The following KCNH7 variants were observed in gnomAD, a reference collection of about 807,000 sequenced individuals.
KCNH7 encodes voltage-gated inwardly rectifying potassium channel KCNH7.
A neutral mutation model predicts 120.8 loss-of-function variants in KCNH7; 49 were observed. That is an observed-to-expected ratio of 0.41 (90% CI 0.32 to 0.51). The LOEUF is 0.51. Among genes scored for constraint, KCNH7 ranks in the 20% least tolerant of loss-of-function variants. The pLI is 0.38. For missense variants in KCNH7, 1,097 were observed against 1,446.6 expected (o/e 0.76, Z 3.92); for synonymous variants, 547 against 516.1 (o/e 1.06, Z -0.81).
At chr2:162,640,247 C>G (rs1201606438) in intron 2 of KCNH7, among the ~76,000 whole-genome samples, 4 of 151,964 alleles carry the variant, frequency 2.6e-5, no homozygotes, top group African/African-American at 9.7e-5. Flanking sequence ...AGTTTTAGAG[C>G]AATTTGAAAG....
chr2:162,752,822 A>C (rs924478974), intron 2 of KCNH7, among the ~76,000 whole-genome samples: 1 of 149,798 alleles, frequency 6.7e-6, no homozygotes, highest in African/African-American at 2.4e-5. Context: ...AATCACTTGA[A>C]CCCAGGAGGC....
At chr2:162,596,026 C>T (rs1448897165) in intron 2 of KCNH7, among the ~76,000 whole-genome samples, 1 of 151,848 alleles carries the variant, frequency 6.6e-6, no homozygotes, top group Non-Finnish European at 1.5e-5. Context: ...ATACTGAAAA[C>T]TATAAAAATA....
At chr2:162,731,453 C>T (rs1313827423) in intron 2 of KCNH7, among the ~76,000 whole-genome samples, 2 of 151,630 alleles carry the variant, frequency 1.3e-5, no homozygotes, top group Non-Finnish European at 2.9e-5. Context: ...CTAAGCAATC[C>T]TTGTATATTC....
intron 2 of KCNH7, among the ~76,000 whole-genome samples, chr2:162,759,833 A>C (rs1175584558): frequency 6.6e-6 from 1 of 152,164 alleles, no homozygotes; most frequent in Non-Finnish European, 1.5e-5. Context: ...TTGATAAATA[A>C]TTACTTTCTA....
chr2:162,763,728 AGTGTGTGTGTGTGTGTGTGTGT>A (rs72350942), intron 2 of KCNH7, among the ~76,000 whole-genome samples: 2 of 139,242 alleles, frequency 1.4e-5, no homozygotes, highest in African/African-American at 5.3e-5. Flanking sequence ...AGGCATTTGC[AGTGTGTGTGTGTGTGTGTGTGT>A]GTGTGTGTGT....
At chr2:162,763,323 A>G (rs957857765) in intron 2 of KCNH7, among the ~76,000 whole-genome samples, 5 of 152,074 alleles carry the variant, frequency 3.3e-5, no homozygotes, top group Non-Finnish European at 5.9e-5. Flanking sequence ...CCCTGTATCT[A>G]TATCCATTTT....
At chr2:162,838,411 C>A (rs748566537) in intron 1 of KCNH7, 32 bp downstream of exon 1, 2 of 1,575,248 alleles carry the variant, frequency 1.3e-6, no homozygotes, top group South Asian at 1.1e-5. Flanking sequence ...AGGCAGAAAG[C>A]GAGGGCGAGA....
At chr2:162,601,337 T>A (rs1398355355) in intron 2 of KCNH7, among the ~76,000 whole-genome samples, 3 of 147,606 alleles carry the variant, frequency 2.0e-5, no homozygotes, top group African/African-American at 7.4e-5. Flanking sequence ...CATTTGCCAA[T>A]AATCATCTGA....
chr2:162,695,983 A>G (rs1051400411), intron 2 of KCNH7, among the ~76,000 whole-genome samples: 15 of 152,128 alleles, frequency 9.9e-5, no homozygotes, highest in African/African-American at 2.7e-4. Context: ...ATTCCTAAAA[A>G]CTCAGAAAGA....
At chr2:162,747,773 T>C (rs1023082702) in intron 2 of KCNH7, among the ~76,000 whole-genome samples, 5 of 150,194 alleles carry the variant, frequency 3.3e-5, no homozygotes, top group African/African-American at 4.8e-5. Flanking sequence ...TCGATACTCA[T>C]ATGCACCCAA....
chr2:162,499,069 C>T (rs78005686), intron 6 of KCNH7, among the ~76,000 whole-genome samples: 132 of 152,146 alleles, frequency 8.7e-4, no homozygotes, highest in African/African-American at 2.8e-3. Flanking sequence ...TTTAACTATT[C>T]GGATACTCAT....
chr2:162,441,123 T>C (rs1425887281), intron 7 of KCNH7, among the ~76,000 whole-genome samples: 2 of 152,086 alleles, frequency 1.3e-5, no homozygotes, highest in African/African-American at 4.8e-5. Context: ...TATAAGCCAA[T>C]AGAAACTTCT....
intron 2 of KCNH7, among the ~76,000 whole-genome samples, chr2:162,708,213 T>A (rs1158867490): frequency 6.6e-6 from 1 of 151,942 alleles, no homozygotes. Context: ...CAAATAAACA[T>A]ACAAAATATT....
chr2:162,758,602 C>A (rs1447784543), intron 2 of KCNH7, among the ~76,000 whole-genome samples: 1 of 151,790 alleles, frequency 6.6e-6, no homozygotes, highest in Non-Finnish European at 1.5e-5. Context: ...TCTACATATA[C>A]ATGTATATAT....
At chr2:162,634,317 A>G (rs1683874841) in intron 2 of KCNH7, among the ~76,000 whole-genome samples, 1 of 152,050 alleles carries the variant, frequency 6.6e-6, no homozygotes, top group African/African-American at 2.4e-5. Context: ...TAACACAGAG[A>G]CCTTGAAAGC....
intron 2 of KCNH7, among the ~76,000 whole-genome samples, chr2:162,538,312 A>T (rs1392582696): frequency 1.3e-5 from 2 of 152,096 alleles, no homozygotes; most frequent in Non-Finnish European, 1.5e-5. Context: ...AATGTGGCCC[A>T]GGGAAACCAA....
intron 2 of KCNH7, among the ~76,000 whole-genome samples, chr2:162,735,349 A>C (rs1687868348): frequency 6.6e-6 from 1 of 152,202 alleles, no homozygotes; most frequent in Non-Finnish European, 1.5e-5. Flanking sequence ...TTAAAATTAT[A>C]ATAGGAGCTT....
chr2:162,421,224 G>A (rs963294549), intron 9 of KCNH7, among the ~76,000 whole-genome samples: 3 of 152,160 alleles, frequency 2.0e-5, no homozygotes, highest in Admixed American at 2.0e-4. Context: ...CAGGCATGCA[G>A]ATGAGAGGAA....
intron 2 of KCNH7, chr2:162,797,904 C>T (rs924354945): frequency 5.3e-5 from 8 of 152,190 alleles, no homozygotes; most frequent in African/African-American, 1.9e-4. Flanking sequence ...CATTAAGAAA[C>T]TGCAATTTTG....
Sources: allele counts gnomAD v4.1 joint callset (sites outside exome capture counted in the v4.1 genomes callset), GRCh38; gene constraint gnomAD v4.1.1; transcripts MANE v1.5; gene names NCBI Gene and HGNC (gene_info 2026-07-23, HGNC 2026-07-21).